The following FRMD4A variants were observed in gnomAD, a reference collection of about 807,000 sequenced individuals.
FRMD4A encodes FERM domain-containing protein 4A.
Under a neutral mutation model 129.1 loss-of-function variants are expected in FRMD4A, and 29 were observed. That is an observed-to-expected ratio of 0.22 (90% CI 0.17 to 0.31). The LOEUF (loss-of-function observed/expected upper bound fraction) is 0.31, where lower values mean the gene tolerates loss of function less well. Among genes scored for constraint, FRMD4A ranks in the 10% least tolerant of loss-of-function variants. The pLI is 1.00. For missense variants in FRMD4A, 1,272 were observed against 1,375.8 expected, an observed-to-expected ratio of 0.92 and a Z score of 1.19; for synonymous variants, 634 against 571.6, an observed-to-expected ratio of 1.11 and a Z score of -1.56.
intron 2 of FRMD4A, among the ~76,000 whole-genome samples, chr10:14,067,795 T>A (rs1309850299): frequency 6.6e-6 from 1 of 152,010 alleles, no homozygotes; most frequent in Non-Finnish European, 1.5e-5. Context: ...CCAGCCTGGG[T>A]AACAGAGCGA....
At chr10:14,180,415 G>A (rs1483639550) in intron 2 of FRMD4A, among the ~76,000 whole-genome samples, 2 of 152,118 alleles carry the variant, frequency 1.3e-5, no homozygotes, top group African/African-American at 2.4e-5. Flanking sequence ...TAGCAAAGGC[G>A]GTACAAGCAG....
At chr10:13,834,754 A>G (rs1238953759) in intron 3 of FRMD4A, among the ~76,000 whole-genome samples, 2 of 152,168 alleles carry the variant, frequency 1.3e-5, no homozygotes, top group Non-Finnish European at 1.5e-5. Flanking sequence ...CTGTGTTGCC[A>G]TGGGACACAT....
rs1296396351 is a variant in FRMD4A, at chr10:13,656,707, G to A, written c.2882C>T (p.Thr961Ile). The change falls in exon 22 of 25, where the codon ACC becomes ATC. Residue 961 changes from threonine (T) to isoleucine (I), a missense_variant. Physicochemically the swap from Thr to Ile is moderately conservative, Grantham distance 89 (BLOSUM62 -1). Transcript: ENST00000357447. Reference sequence around the variant, plus strand: ...CGCCACGAAGGTGCTCTGGGAGGAGGTGCTGTACTGCGAGCCGCTGTCCGA... The same window carrying A: ...CGCCACGAAGGTGCTCTGGGAGGAGATGCTGTACTGCGAGCCGCTGTCCGA... ...TSSDSGSQYS[T>I]SSQSTFVAHS... The A allele has an allele frequency of 7.6e-6, 12 of 1,583,870 alleles. No homozygotes were observed. The highest frequency in any genetic ancestry group is 2.4e-5 in the East Asian group (1 of 41,658).
intron 2 of FRMD4A, among the ~76,000 whole-genome samples, chr10:14,204,954 A>T (rs1842737585): frequency 6.6e-6 from 1 of 152,138 alleles, no homozygotes; most frequent in South Asian, 2.1e-4. Flanking sequence ...AGCCACACAG[A>T]CACAAGTTGC....
chr10:13,794,789 T>A lies in FRMD4A; in HGVS notation c.299+1707A>T, dbSNP rs79133359. On this transcript the variant is annotated intron_variant, in intron 5 of 24. Transcript: ENST00000357447. ...CAATGGTGATGGTGGAAGCGTCTATTATGGCTACGGATCAGAAGTGGATGT... is the reference window on the plus strand; with the variant it reads ...CAATGGTGATGGTGGAAGCGTCTATAATGGCTACGGATCAGAAGTGGATGT... Among the ~76,000 whole-genome samples the A allele has an allele frequency of 9.8e-3, 1,498 of 152,364 alleles. 26 individuals carry two copies. Among genetic ancestry groups the A allele is most frequent in the African/African-American group, 0.034 (1,430 of 41,584 alleles).
intron 2 of FRMD4A, among the ~76,000 whole-genome samples, chr10:13,877,343 C>T (rs1012117872): frequency 9.8e-5 from 15 of 152,304 alleles, no homozygotes; most frequent in African/African-American, 3.6e-4. Context: ...GCTCAGATGC[C>T]AAGTCCTGCC....
At chr10:14,075,387 G>A (rs1196366648) in intron 2 of FRMD4A, among the ~76,000 whole-genome samples, 3 of 152,214 alleles carry the variant, frequency 2.0e-5, no homozygotes, top group African/African-American at 4.8e-5. Context: ...TGATGTGTGT[G>A]TGGTTTATTA....
intron 2 of FRMD4A, among the ~76,000 whole-genome samples, chr10:14,021,941 G>A (rs144629397): frequency 6.6e-6 from 1 of 152,078 alleles, no homozygotes; most frequent in East Asian, 2.0e-4. Flanking sequence ...GCAATCATGA[G>A]ATTTCTGCGT....
chr10:14,008,444 C>T, intron 2 of FRMD4A: 1 of 1,004,054 alleles, frequency 1.0e-6, no homozygotes, highest in Non-Finnish European at 1.2e-6. Context: ...ACAGCTGGCT[C>T]AGCGAGACTG....
intron 9 of FRMD4A, among the ~76,000 whole-genome samples, chr10:13,746,295 C>T (rs111999933): frequency 0.029 from 4,378 of 152,240 alleles, 115 homozygotes; most frequent in Middle Eastern, 0.068. Flanking sequence ...CCTGCAACCT[C>T]CGACTCCCAA....
Position 13,657,151 on chromosome 10 carries a change from GCGCC to G in FRMD4A, c.2434_2437del (p.Gly812ArgfsTer84). The G allele has an allele frequency of 7.3e-6, 4 of 549,346 alleles. No homozygotes were observed. Among genetic ancestry groups the G allele is most frequent in the Non-Finnish European group, 1.1e-5 (4 of 356,986 alleles). 34.0% of individuals were successfully genotyped at this position (549,346 alleles called of 1,614,324 possible). A position where few individuals can be genotyped will look rare whatever the true frequency, so the allele number is the denominator to read the frequency against. On this transcript the variant is annotated frameshift_variant, in exon 22 of 25. Coordinates refer to ENST00000357447, the MANE Select transcript of FRMD4A (RefSeq NM_018027.5). LOFTEE classifies it high-confidence loss of function. ...GTACACACCGCCCCCCGCGCCCCCC[GCGCC>G]CCCCGCACCCCCGCGCGCCGCCAGG...
intron 2 of FRMD4A, among the ~76,000 whole-genome samples, chr10:14,053,272 G>C (rs191468423): frequency 6.6e-6 from 1 of 152,332 alleles, no homozygotes; most frequent in Admixed American, 6.5e-5. Flanking sequence ...ACTGATCCCT[G>C]ATGGTGGAGC....
intron 3 of FRMD4A, among the ~76,000 whole-genome samples, chr10:13,840,372 C>T (rs1337787826): frequency 2.6e-5 from 4 of 152,214 alleles, no homozygotes; most frequent in Admixed American, 2.0e-4. Flanking sequence ...CCAAACCTGC[C>T]GAGACTCTGA....
At chr10:14,139,283 T>G (rs185858322) in intron 2 of FRMD4A, among the ~76,000 whole-genome samples, 10 of 152,290 alleles carry the variant, frequency 6.6e-5, no homozygotes, top group Non-Finnish European at 1.5e-4. Flanking sequence ...TAACTTAGTT[T>G]ACAATTTCTG....
Position 13,921,207 on chromosome 10 carries a change from T to C in FRMD4A, c.46-62295A>G, listed in dbSNP as rs373331139. 6.0e-4 allele frequency among the ~76,000 whole-genome samples: 91 copies of C among 152,190 alleles called. 2 individuals are homozygous for C. In the South Asian group the frequency reaches 0.014, roughly 24 times the overall value. On this transcript the variant is annotated intron_variant, in intron 2 of 24. Coordinates refer to ENST00000357447, the MANE Select transcript of FRMD4A (RefSeq NM_018027.5). ...CTCTCTGGGGCTTTTTAGTTTTCTCTCTCTTTTTCTTTCTTTCTTTCTCTC... is the reference window on the plus strand; with the variant it reads ...CTCTCTGGGGCTTTTTAGTTTTCTCCCTCTTTTTCTTTCTTTCTTTCTCTC...
At chr10:13,955,815 G>C (rs1046762082) in intron 2 of FRMD4A, among the ~76,000 whole-genome samples, 1 of 152,234 alleles carries the variant, frequency 6.6e-6, no homozygotes, top group Non-Finnish European at 1.5e-5. Context: ...CAATGAAAAG[G>C]AAGGTGGGGC....
chr10:14,056,851 T>C (rs1043572021), intron 2 of FRMD4A, among the ~76,000 whole-genome samples: 12 of 152,244 alleles, frequency 7.9e-5, no homozygotes, highest in African/African-American at 2.9e-4. Flanking sequence ...TTCTCTGTCA[T>C]TCATAAATTT....
chr10:14,298,430 G>C (rs955709696), intron 2 of FRMD4A, among the ~76,000 whole-genome samples: 1 of 152,164 alleles, frequency 6.6e-6, no homozygotes, highest in Non-Finnish European at 1.5e-5. Context: ...CTCAGTCTCT[G>C]TGTGGGGTAG....
At chr10:14,061,624 T>C (rs775199507) in intron 2 of FRMD4A, among the ~76,000 whole-genome samples, 1 of 152,198 alleles carries the variant, frequency 6.6e-6, no homozygotes, top group Non-Finnish European at 1.5e-5. Context: ...ATCACTGATT[T>C]CTGATTTCTG....
Sources: allele counts gnomAD v4.1 joint callset (sites outside exome capture counted in the v4.1 genomes callset), GRCh38; gene constraint gnomAD v4.1.1; transcripts MANE v1.5; gene names NCBI Gene and HGNC (gene_info 2026-07-23, HGNC 2026-07-21).